RARB: variants seen among roughly 807,000 people sequenced by gnomAD.
RARB encodes the protein retinoic acid receptor beta, also known as HBV-activated protein.
RARB carries 17 observed loss-of-function variants against 51.9 expected under a neutral mutation model. That is an observed-to-expected ratio of 0.33 (90% confidence interval 0.22 to 0.49). RARB has a LOEUF of 0.49. Among genes scored for constraint, RARB ranks in the 20% least tolerant of loss-of-function variants. The pLI, the probability that RARB is intolerant of heterozygous loss-of-function variation, is 0.99. For synonymous variants in RARB, 215 were observed against 195.4 expected (o/e 1.10, Z -0.84); for missense variants, 369 against 550.8 (o/e 0.67, Z 3.30).
intron 5 of RARB, among the ~76,000 whole-genome samples, chr3:25,181,345 T>C (rs1020619001): frequency 3.3e-5 from 5 of 152,200 alleles, no homozygotes; most frequent in Admixed American, 1.3e-4. Context: ...TTTAGTTGTT[T>C]TCATAACTTT....
intron 2 of RARB, among the ~76,000 whole-genome samples, chr3:25,022,386 A>G (rs1697656488): frequency 6.6e-6 from 1 of 152,216 alleles, no homozygotes; most frequent in East Asian, 1.9e-4. Flanking sequence ...TTTGTGAGAC[A>G]CATCCATATT....
chr3:25,054,691 A>T (rs970796337), intron 2 of RARB, among the ~76,000 whole-genome samples: 3 of 152,138 alleles, frequency 2.0e-5, no homozygotes, highest in African/African-American at 7.2e-5. Flanking sequence ...ATAGCAAAAG[A>T]GCTGGAAAAT....
intron 2 of RARB, among the ~76,000 whole-genome samples, chr3:25,477,028 G>A (rs1298040339): frequency 1.3e-5 from 2 of 152,144 alleles, no homozygotes; most frequent in Non-Finnish European, 2.9e-5. Flanking sequence ...AGAGGTGGGA[G>A]AAAACACAGA....
At chr3:25,436,796 G>A (rs1000182361) in intron 1 of RARB, among the ~76,000 whole-genome samples, 70 of 152,310 alleles carry the variant, frequency 4.6e-4, no homozygotes, top group African/African-American at 1.6e-3. Flanking sequence ...GCTGTGAAAA[G>A]TTCTCCCTTT....
chr3:25,035,477 T>TA (rs1253525207), intron 2 of RARB, among the ~76,000 whole-genome samples: 3 of 133,156 alleles, frequency 2.3e-5, no homozygotes, highest in African/African-American at 3.0e-5. Flanking sequence ...ATCATGTGGA[T>TA]AAAAAAACTG....
At chr3:24,959,964 A>G (rs1696102805) in intron 2 of RARB, among the ~76,000 whole-genome samples, 2 of 152,300 alleles carry the variant, frequency 1.3e-5, no homozygotes, top group Middle Eastern at 3.4e-3. Flanking sequence ...TAATCATTGG[A>G]TTTAGGATTT....
intron 5 of RARB, among the ~76,000 whole-genome samples, chr3:25,201,461 C>A (rs1396340708): frequency 1.3e-5 from 2 of 152,150 alleles, no homozygotes; most frequent in South Asian, 4.1e-4. Context: ...GAACTTCCAA[C>A]ACTGTGTTGC....
intron 5 of RARB, among the ~76,000 whole-genome samples, chr3:25,313,007 T>A (rs931181862): frequency 1.9e-4 from 29 of 152,368 alleles, no homozygotes; most frequent in African/African-American, 6.2e-4. Context: ...GGAGGCAGCA[T>A]CCTGGCTCTA....
intron 5 of RARB, among the ~76,000 whole-genome samples, chr3:25,265,319 A>G (rs569472237): frequency 1.1e-4 from 16 of 152,322 alleles, no homozygotes; most frequent in Non-Finnish European, 2.4e-4. Flanking sequence ...TCGGTACAAG[A>G]ATATTTGTAT....
chr3:24,878,091 G>A (rs1335503557), intron 2 of RARB, among the ~76,000 whole-genome samples: 3 of 152,152 alleles, frequency 2.0e-5, no homozygotes, highest in African/African-American at 4.8e-5. Flanking sequence ...TTGAGGCTAT[G>A]TCGTTAGCCA....
At chr3:24,870,458 C>T (rs1331871067) in intron 2 of RARB, among the ~76,000 whole-genome samples, 2 of 151,972 alleles carry the variant, frequency 1.3e-5, no homozygotes, top group Non-Finnish European at 2.9e-5. Context: ...TTTTTCTGGG[C>T]TCTTAGTTAT....
chr3:25,315,958 C>A (rs322664), intron 5 of RARB, among the ~76,000 whole-genome samples: 4 of 152,020 alleles, frequency 2.6e-5, no homozygotes, highest in African/African-American at 9.7e-5. Flanking sequence ...GTTTTCAGAT[C>A]GTCTAAAATA....
At chr3:25,244,272 ATTTTTTTTT>A (rs200215353) in intron 5 of RARB, among the ~76,000 whole-genome samples, 3 of 133,254 alleles carry the variant, frequency 2.3e-5, no homozygotes, top group Admixed American at 1.5e-4. Context: ...GAATTCATTG[ATTTTTTTTT>A]TTTTTTGAAG....
chr3:25,412,366 A>G (rs1994176), intron 5 of RARB, among the ~76,000 whole-genome samples: 127,610 of 152,110 alleles, frequency 0.84, 53,815 homozygotes, highest in East Asian at 1. Flanking sequence ...AGATATTGGC[A>G]TGCAGTTTCA....
At chr3:25,304,628 C>A (rs559804357) in intron 5 of RARB, among the ~76,000 whole-genome samples, 1 of 152,292 alleles carries the variant, frequency 6.6e-6, no homozygotes, top group East Asian at 1.9e-4. Context: ...AATCTAACCA[C>A]TGATTCCGAC....
At chr3:25,010,945 A>G (rs1196311311) in intron 2 of RARB, among the ~76,000 whole-genome samples, 1 of 152,132 alleles carries the variant, frequency 6.6e-6, no homozygotes, top group African/African-American at 2.4e-5. Context: ...CATCGAGGCC[A>G]AGGCTTTGCT....
At chr3:25,501,440 G>A in intron 3 of RARB, 117 bp downstream of exon 3, 1 of 1,275,646 alleles carries the variant, frequency 7.8e-7, no homozygotes, top group Non-Finnish European at 1.1e-6. Flanking sequence ...AAGGGTAGGT[G>A]TGAATAGAGA....
chr3:25,193,255 A>G (rs1265340534), intron 5 of RARB, among the ~76,000 whole-genome samples: 2 of 152,030 alleles, frequency 1.3e-5, no homozygotes, highest in African/African-American at 2.4e-5. Context: ...CATTCAAAGG[A>G]AGAATGAAGA....
intron 5 of RARB, among the ~76,000 whole-genome samples, chr3:25,314,076 C>T (rs578241734): frequency 6.1e-5 from 9 of 147,932 alleles, no homozygotes; most frequent in Admixed American, 6.1e-4. Flanking sequence ...GTCTCAACAA[C>T]AAAAAAAAAT....
Sources: gnomAD v4.1 joint callset for allele counts (sites outside exome capture counted in the v4.1 genomes callset) on GRCh38, gnomAD v4.1.1 for gene constraint, MANE v1.5 for transcripts, NCBI Gene and HGNC (gene_info 2026-07-23, HGNC 2026-07-21) for gene names.